CDKN2C: variants seen among roughly 807,000 people sequenced by gnomAD.
CDKN2C encodes the protein cyclin-dependent kinase 4 inhibitor C.
CDKN2C carries 5 observed loss-of-function variants against 11.0 expected under a neutral mutation model. The ratio of observed to expected loss-of-function variants is 0.45; its 90% confidence interval spans 0.24 to 0.95. The LOEUF (loss-of-function observed/expected upper bound fraction) is 0.95, where lower values mean the gene tolerates loss of function less well. CDKN2C is among the 40% of genes least tolerant of loss of function. The probability of loss-of-function intolerance (pLI) is 0.21; values close to 1 mark genes in which losing one functional copy is unlikely to be tolerated. For missense variants in CDKN2C, 161 were observed against 211.9 expected, an observed-to-expected ratio of 0.76 and a Z score of 1.49; for synonymous variants, 79 against 88.3, an observed-to-expected ratio of 0.89 and a Z score of 0.59.
Position 50,974,248 on chromosome 1 carries a change from G to A in CDKN2C, c.485G>A (p.Gly162Glu). Residue 162 changes from glycine to glutamate, a missense_variant, in exon 2 of 2, where the codon GGG (glycine) becomes GAG (glutamate). Physicochemically the swap from Gly to Glu is moderately conservative, Grantham distance 98. Transcript: ENST00000371761. ...VVSLMQANGA[G>E]GATNLQ is the part of the protein sequence containing the mutation. ...AGCCTGATGCAGGCAAACGGGGCTG[G>A]GGGAGCCACAAATCTTCAATAAACG... The A allele has an allele frequency of 6.4e-7, 1 of 1,564,594 alleles. No homozygotes were observed. Among genetic ancestry groups the A allele is most frequent in the Non-Finnish European group, 8.7e-7 (1 of 1,154,418 alleles).
At chr1:50,968,513 C>G (rs1645359630), upstream of CDKN2C, 1 of 152,306 alleles carries the variant, frequency 6.6e-6, no homozygotes, top group Non-Finnish European at 1.5e-5. Context: ...GGGGACAGGC[C>G]GCCTAGCCGG....
At chr1:50,964,794 A>G (rs1034358339) in intron 1 of CDKN2C, among the ~76,000 whole-genome samples, 1 of 152,182 alleles carries the variant, frequency 6.6e-6, no homozygotes, top group Non-Finnish European at 1.5e-5. Flanking sequence ...GGTGGCTCAC[A>G]CCTGTAATCC....
chr1:50,964,006 T>C (rs926752983), intron 1 of CDKN2C, among the ~76,000 whole-genome samples: 1 of 151,790 alleles, frequency 6.6e-6, no homozygotes, highest in African/African-American at 2.4e-5. Flanking sequence ...ATTTATATTT[T>C]ACTAAATTTT....
At position 50,970,258 on chromosome 1, in the gene CDKN2C, C is replaced by A; in HGVS notation, c.-111C>A. ...AAGCTCTACTCCAGATTAACCATCCCAGTCCTTCTGTCAGTCTCCGATGCC... is the reference window on the plus strand; with the variant it reads ...AAGCTCTACTCCAGATTAACCATCCAAGTCCTTCTGTCAGTCTCCGATGCC... On this transcript the variant is annotated 5_prime_UTR_variant, in exon 1 of 2. Transcript: ENST00000371761. 7.5e-7 allele frequency: 1 copy of A among 1,340,380 alleles called. No homozygotes were observed. The highest frequency in any genetic ancestry group is 1.0e-6 in the Non-Finnish European group (1 of 958,208). 83.0% of individuals were successfully genotyped at this position (1,340,380 alleles called of 1,614,324 possible). A position where few individuals can be genotyped will look rare whatever the true frequency, so the allele number is the denominator to read the frequency against.
intron 1 of CDKN2C, among the ~76,000 whole-genome samples, chr1:50,971,381 G>T (rs1645379595): frequency 6.6e-6 from 1 of 152,210 alleles, no homozygotes; most frequent in Non-Finnish European, 1.5e-5. Flanking sequence ...TGAAAACCCA[G>T]TGGGGAGAGG....
upstream of CDKN2C, chr1:50,968,285 C>T (rs1645358045): frequency 6.6e-6 from 1 of 152,372 alleles, no homozygotes; most frequent in Admixed American, 6.5e-5. Context: ...CCCGCTAGCG[C>T]TGAGGAACGA....
At chr1:50,971,618 T>G (rs1349100540) in intron 1 of CDKN2C, among the ~76,000 whole-genome samples, 2 of 152,194 alleles carry the variant, frequency 1.3e-5, no homozygotes, top group Non-Finnish European at 2.9e-5. Flanking sequence ...CTAGTAGTTT[T>G]GAACAGGTTT....
chr1:50,967,499 G>A (rs1304989645), upstream of CDKN2C, among the ~76,000 whole-genome samples: 1 of 152,178 alleles, frequency 6.6e-6, no homozygotes, highest in African/African-American at 2.4e-5. Context: ...TATTTCTGGT[G>A]TGTTTTGTTG....
chr1:50,967,981 T>G (rs1193420921), upstream of CDKN2C: 1 of 152,264 alleles, frequency 6.6e-6, no homozygotes, highest in East Asian at 1.9e-4. Flanking sequence ...GGCTTCAGAG[T>G]TCGTTCTTAC....
chr1:50,974,327 C>G lies in CDKN2C; in HGVS notation c.*57C>G. ...CTTTATCAATTAACTGAGTAGCTCT[C>G]CTGACTTTTAATGTCATTTGTTAAA... On this transcript the variant is annotated 3_prime_UTR_variant, in exon 2 of 2. Coordinates refer to ENST00000371761, the MANE Select transcript of CDKN2C (RefSeq NM_078626.3). 6.7e-7 allele frequency: 1 copy of G among 1,483,500 alleles called. No homozygotes were observed. The highest frequency in any genetic ancestry group is 9.0e-7 in the Non-Finnish European group (1 of 1,108,274). The allele number at this position is 1,483,500 out of a possible 1,614,324, so 91.9% of individuals were successfully genotyped here.
At chr1:50,968,715 ACT>A (rs1208765475), upstream of CDKN2C, 10 of 151,816 alleles carry the variant, frequency 6.6e-5, no homozygotes. Flanking sequence ...CCTCCTTAAA[ACT>A]CTGCCGTTAA....
At chr1:50,970,627 A>C (rs1645374639) in intron 1 of CDKN2C, 130 bp downstream of exon 1, 1 of 1,056,224 alleles carries the variant, frequency 9.5e-7, no homozygotes, top group Non-Finnish European at 1.5e-6. Flanking sequence ...TGGTTGCCAT[A>C]TTTTATATCT....
chr1:50,968,140 G>C (rs1276366435), upstream of CDKN2C: 1 of 276 alleles, frequency 3.6e-3, no homozygotes, highest in African/African-American at 0.083. Flanking sequence ...TGGCAGGTGC[G>C]AGGCCGAGGC....
upstream of CDKN2C, chr1:50,970,045 C>T (rs1645371235): frequency 2.2e-6 from 1 of 452,308 alleles, no homozygotes; most frequent in Non-Finnish European, 4.1e-6. Flanking sequence ...ATCTGACGTC[C>T]GGAGTCATTA....
At chr1:50,969,749 G>A (rs374516538), upstream of CDKN2C, 1 of 178,400 alleles carries the variant, frequency 5.6e-6, no homozygotes, top group East Asian at 1.0e-4. This position sits in a 1 kb window ranked among gnomAD's most constrained non-coding sequence, Gnocchi z 6.6. Context: ...TAACCCTCCG[G>A]AGCACGTCAG....
intron 1 of CDKN2C, among the ~76,000 whole-genome samples, chr1:50,965,033 C>G (rs1472732741): frequency 6.7e-6 from 1 of 150,274 alleles, no homozygotes; most frequent in Non-Finnish European, 1.5e-5. Context: ...GCCTGGGCGA[C>G]AAAGCGAGAT....
chr1:50,966,603 G>C (rs1570199464), upstream of CDKN2C, among the ~76,000 whole-genome samples: 1 of 152,154 alleles, frequency 6.6e-6, no homozygotes, highest in East Asian at 1.9e-4. Flanking sequence ...ATAAATACTA[G>C]ATTTTCATTG....
chr1:50,969,903 G>A (rs1645369987), upstream of CDKN2C: 2 of 230,232 alleles, frequency 8.7e-6, no homozygotes, highest in Non-Finnish European at 1.7e-5. This position sits in a 1 kb window ranked among gnomAD's most constrained non-coding sequence, Gnocchi z 6.6. Context: ...AACAAGGGTG[G>A]GTGAATGCCT....
chr1:50,969,818 A>G (rs1645369693), upstream of CDKN2C: 2 of 191,662 alleles, frequency 1.0e-5, no homozygotes, highest in Admixed American at 5.7e-5. This position sits in a 1 kb window ranked among gnomAD's most constrained non-coding sequence, Gnocchi z 6.6. Context: ...CCCTTCGGCG[A>G]GACGGATGGA....
Sources: allele counts gnomAD v4.1 joint callset (sites outside exome capture counted in the v4.1 genomes callset), GRCh38; gene constraint gnomAD v4.1.1; non-coding constraint Gnocchi (gnomAD v3.1); transcripts MANE v1.5; gene names NCBI Gene and HGNC (gene_info 2026-07-23, HGNC 2026-07-21).